Variants in ARHGEF28 observed in about 807,000 individuals in gnomAD.
ARHGEF28 encodes Rho guanine nucleotide exchange factor 28.
In ARHGEF28, 152 loss-of-function variants were observed where a neutral mutation model predicts 206.6. That is an observed-to-expected ratio of 0.74 (90% CI 0.64 to 0.84). ARHGEF28 has a LOEUF of 0.84. Among genes scored for constraint, ARHGEF28 ranks in the 40% least tolerant of loss-of-function variants. The pLI is 0.00. For synonymous variants in ARHGEF28, 763 were observed against 776.4 expected (o/e 0.98, Z 0.29); for missense variants, 2,028 against 2,073.2 (o/e 0.98, Z 0.42).
In ARHGEF28 at chr5:73,864,856, C is replaced by T. The variant is rs956757294; in HGVS notation, c.2087C>T (p.Ala696Val). Residue 696 changes from alanine (A) to valine (V), a missense_variant, in exon 17 of 36, where the codon GCG (alanine) becomes GTG (valine). By Grantham distance (64) the Ala-to-Val change is moderately conservative. Transcript: ENST00000513042. Reference protein sequence around the residue: ...ANVHKGCKDAAPACTKKFQEK... With the variant: ...ANVHKGCKDAVPACTKKFQEK... The stretch of plus-strand genomic sequence containing the variant: ...GTGCACAAAGGTTGTAAAGATGCTG[C>T]GCCTGCATGCACCAAGGTAATTGCT... 11 of 1,612,798 alleles carry T rather than the reference C, an allele frequency of 6.8e-6. No homozygotes were observed. Among genetic ancestry groups the T allele is most frequent in the Middle Eastern group, 1.6e-4 (1 of 6,080 alleles).
At chr5:73,797,830 G>A (rs116211388) in intron 9 of ARHGEF28, among the ~76,000 whole-genome samples, 2,694 of 152,328 alleles carry the variant, frequency 0.018, 76 homozygotes, top group African/African-American at 0.062. Context: ...TGGTGTGGAT[G>A]TGGCCTCATC....
chr5:73,695,774 TCA>T (rs896937838), intron 2 of ARHGEF28, among the ~76,000 whole-genome samples: 13 of 152,336 alleles, frequency 8.5e-5, no homozygotes, highest in South Asian at 2.1e-4. Flanking sequence ...CCTGGCCTCT[TCA>T]GAGTTGCCAT....
intron 1 of ARHGEF28, among the ~76,000 whole-genome samples, chr5:73,628,164 A>G (rs1373594908): frequency 6.6e-6 from 1 of 152,116 alleles, no homozygotes; most frequent in Admixed American, 6.6e-5. Flanking sequence ...ATAAGAAACT[A>G]CACTTGTGGC....
At position 73,864,714 on chromosome 5, in the gene ARHGEF28, T is replaced by C. The variant is rs558195210; in HGVS notation, c.2048-103T>C. ...TAGTTTTCCAGATATTTGTAATGTT[T>C]ATGTGTTTTTTTATAATGACCAGTG... On this transcript the variant is annotated intron_variant, in intron 16 of 35. Transcript: ENST00000513042. 7.1e-4 allele frequency: 679 copies of C among 951,146 alleles called. 3 individuals carry two copies. In the African/African-American group the frequency reaches 0.01, roughly 14 times the overall value. The allele number at this position is 951,146 out of a possible 1,614,324, so 58.9% of individuals were successfully genotyped here. A position where few individuals can be genotyped will look rare whatever the true frequency, so the allele number is the denominator to read the frequency against.
At chr5:73,866,224 T>C (rs1466831642) in intron 18 of ARHGEF28, among the ~76,000 whole-genome samples, 1 of 152,218 alleles carries the variant, frequency 6.6e-6, no homozygotes, top group East Asian at 1.9e-4. Context: ...GTGTGTACCA[T>C]ATGATCTTTT....
chr5:73,895,817 T>C lies in ARHGEF28; in HGVS notation c.3841+1242T>C, dbSNP rs376785333. ...AAACCTAAACTATTAACTGGCTCTT[T>C]GCAGAAAATGTTTGCCAGCCTCTGG... On this transcript the variant is annotated intron_variant, in intron 29 of 35. Coordinates refer to ENST00000513042, the MANE Select transcript of ARHGEF28 (RefSeq NM_001177693.2). Among the ~76,000 whole-genome samples, 39 of 152,356 alleles carry C rather than the reference T, an allele frequency of 2.6e-4. 1 individual carries two copies. The East Asian group carries it at 4.8e-3, about 19-fold the overall frequency.
intron 23 of ARHGEF28, 55 bp from the exon 24 acceptor site, chr5:73,883,712 C>A: frequency 1.7e-6 from 2 of 1,171,298 alleles, no homozygotes; most frequent in Non-Finnish European, 1.2e-6. Context: ...TACATTCACA[C>A]CTGAAAAGTA....
intron 1 of ARHGEF28, among the ~76,000 whole-genome samples, chr5:73,671,005 G>T (rs2112214160): frequency 6.6e-6 from 1 of 151,780 alleles, no homozygotes; most frequent in South Asian, 2.1e-4. Context: ...TTTTTTTTCA[G>T]GTCTAACGGG....
Position 73,858,259 on chromosome 5 carries a change from C to G in ARHGEF28, c.2047+40C>G, listed in dbSNP as rs537529360. On this transcript the variant is annotated intron_variant, in intron 16 of 35. Coordinates refer to ENST00000513042, the MANE Select transcript of ARHGEF28 (RefSeq NM_001177693.2). Reference sequence around the variant, plus strand: ...CTATGTGCGCTGTCTTTGTTTTCATCTCCTGACAGTAACCTTGGGAAGAGG... The same window carrying G: ...CTATGTGCGCTGTCTTTGTTTTCATGTCCTGACAGTAACCTTGGGAAGAGG... The G allele has an allele frequency of 2.0e-6, 3 of 1,530,870 alleles. No homozygotes were observed. In the African/African-American group the frequency reaches 4.2e-5, roughly 21 times the overall value. The allele number at this position is 1,530,870 out of a possible 1,614,324, so 94.8% of individuals were successfully genotyped here.
chr5:73,792,138 A>G (rs1754518250), intron 7 of ARHGEF28, among the ~76,000 whole-genome samples: 1 of 152,236 alleles, frequency 6.6e-6, no homozygotes, highest in Admixed American at 6.5e-5. Flanking sequence ...CAGTATCACT[A>G]ATATTTTTAA....
intron 2 of ARHGEF28, among the ~76,000 whole-genome samples, chr5:73,736,421 G>A (rs72770848): frequency 0.21 from 31,494 of 151,962 alleles, 3,413 homozygotes; most frequent in Non-Finnish European, 0.23. Flanking sequence ...TTTACCTCTC[G>A]AAGTCTCTCT....
intron 1 of ARHGEF28, among the ~76,000 whole-genome samples, chr5:73,670,636 A>T (rs960104511): frequency 1.3e-5 from 2 of 152,180 alleles, no homozygotes; most frequent in African/African-American, 4.8e-5. Flanking sequence ...CAGTTTTTCC[A>T]TATCTGCTAT....
intron 22 of ARHGEF28, among the ~76,000 whole-genome samples, chr5:73,876,146 AGTT>A (rs1317967390): frequency 2.0e-5 from 3 of 148,908 alleles, no homozygotes; most frequent in Non-Finnish European, 4.4e-5. Context: ...GTCCCTTGTA[AGTT>A]GGATTCCTAA....
At chr5:73,852,912 G>A (rs1487152283) in intron 14 of ARHGEF28, among the ~76,000 whole-genome samples, 1 of 152,216 alleles carries the variant, frequency 6.6e-6, no homozygotes, top group Non-Finnish European at 1.5e-5. Flanking sequence ...GGGACAGCAT[G>A]TTCTGTCTGG....
In ARHGEF28 at chr5:73,901,221, G is replaced by A. The variant is rs767329506; in HGVS notation, c.4011G>A (p.Ser1337=). Residue 1337 remains serine (S), a synonymous_variant, in exon 31 of 36, where the codon TCG becomes TCA. Coordinates refer to ENST00000513042, the MANE Select transcript of ARHGEF28 (RefSeq NM_001177693.2). ...GAGGGAGAGAAGGAAGAGGCTGTTC[G>A]GATGTGGATCCCGGGATCCAGGGTG... The part of the protein sequence containing the change: ...VTGGREGRGC[S]DVDPGIQGVV... The A allele has an allele frequency of 2.7e-5, 44 of 1,613,268 alleles. 1 individual carries two copies. In the Admixed American group the frequency reaches 5.5e-4, roughly 20 times the overall value.
At chr5:73,779,924 G>A (rs916518561) in intron 6 of ARHGEF28, among the ~76,000 whole-genome samples, 6 of 152,166 alleles carry the variant, frequency 3.9e-5, no homozygotes, top group East Asian at 1.9e-4. Flanking sequence ...CCCAATCCAC[G>A]GGGCTTAATG....
intron 5 of ARHGEF28, among the ~76,000 whole-genome samples, chr5:73,774,479 T>C (rs1181417838): frequency 1.3e-5 from 2 of 152,250 alleles, no homozygotes; most frequent in African/African-American, 4.8e-5. Flanking sequence ...TTTTACCCAT[T>C]GCAATGCTCT....
Position 73,909,675 on chromosome 5 carries a change from G to C in ARHGEF28, c.4425G>C (p.Arg1475=). 1.3e-6 allele frequency: 2 copies of C among 1,540,554 alleles called. No homozygotes were observed. The highest frequency in any genetic ancestry group is 1.2e-5 in the South Asian group (1 of 83,806). ...CCAGGGAGAGCTGGCTGCAGGAGCG[G>C]GAGCGGGAGTGCCAGTCGCAGGAGG... ...QATRESWLQE[R]ERECQSQEEL... The change falls in exon 34 of 36, where the codon CGG becomes CGC. Residue 1475 remains arginine (R), a synonymous_variant. Coordinates refer to ENST00000513042, the MANE Select transcript of ARHGEF28 (RefSeq NM_001177693.2).
chr5:73,858,372 G>A (rs781000337), intron 16 of ARHGEF28, among the ~76,000 whole-genome samples, 153 bp downstream of exon 16: 7 of 151,960 alleles, frequency 4.6e-5, no homozygotes, highest in Non-Finnish European at 8.8e-5. Flanking sequence ...ACTGGTTAGA[G>A]TCAGTGTGTT....
Sources: allele counts gnomAD v4.1 joint callset (sites outside exome capture counted in the v4.1 genomes callset), GRCh38; gene constraint gnomAD v4.1.1; transcripts MANE v1.5; gene names NCBI Gene and HGNC (gene_info 2026-07-23, HGNC 2026-07-21).